The following PRKCZ variants were observed in gnomAD, a reference collection of about 807,000 sequenced individuals.
PRKCZ encodes protein kinase C zeta type.
A neutral mutation model predicts 79.5 loss-of-function variants in PRKCZ; 33 were observed. The ratio of observed to expected loss-of-function variants is 0.41; its 90% CI spans 0.31 to 0.55. The LOEUF (loss-of-function observed/expected upper bound fraction) is 0.55. PRKCZ is among the 20% of genes least tolerant of loss of function. The probability of loss-of-function intolerance (pLI) is 0.19; values close to 1 mark genes in which losing one functional copy is unlikely to be tolerated. For synonymous variants in PRKCZ, 342 were observed against 320.9 expected (o/e 1.07, Z -0.70); for missense variants, 578 against 813.5 (o/e 0.71, Z 3.52).
chr1:2,100,114 C>T (rs1302230204), intron 4 of PRKCZ, among the ~76,000 whole-genome samples: 1 of 152,214 alleles, frequency 6.6e-6, no homozygotes, highest in African/African-American at 2.4e-5. Flanking sequence ...CTATGAGGGC[C>T]AGTGGGGAGA....
At chr1:2,120,740 A>G (rs1034207299) in intron 4 of PRKCZ, among the ~76,000 whole-genome samples, 3 of 150,016 alleles carry the variant, frequency 2.0e-5, no homozygotes, top group Middle Eastern at 3.4e-3. Flanking sequence ...ATTTTTTTCT[A>G]CTGTTATCTC....
At position 2,178,630 on chromosome 1, in the gene PRKCZ, G is replaced by T. The variant is rs530008127; in HGVS notation, c.1575+3317G>T. The stretch of plus-strand genomic sequence containing the variant: ...CCGGTGGTCTCAGTCTAGCCTTTCA[G>T]GGGGGCCACCTGTTCCTGCAGCGGC... On this transcript the variant is annotated intron_variant, in intron 16 of 17. Coordinates refer to ENST00000378567, the MANE Select transcript of PRKCZ (RefSeq NM_002744.6). The surrounding 1 kb of genome is among the most constrained non-coding windows in gnomAD (Gnocchi z 4.3). Among the ~76,000 whole-genome samples the T allele has an allele frequency of 9.9e-5, 15 of 152,230 alleles. No individual in the cohort carries two copies. The highest frequency in any genetic ancestry group is 2.1e-4 in the Non-Finnish European group (14 of 67,992).
rs915732375 is a variant in PRKCZ at position 2,173,519 on chromosome 1, C to G, written c.1286-378C>G. 5.9e-5 allele frequency among the ~76,000 whole-genome samples: 9 copies of G among 152,200 alleles called. No individual in the cohort carries two copies. The highest frequency in any genetic ancestry group is 1.9e-4 in the African/African-American group (8 of 41,444). ...AACAAAATGGCTGTAGAAGGAAACACAGGAGAGTATTTCCGTTACTGCAGC... is the reference window on the plus strand; with the variant it reads ...AACAAAATGGCTGTAGAAGGAAACAGAGGAGAGTATTTCCGTTACTGCAGC... On this transcript the variant is annotated intron_variant, in intron 13 of 17. Transcript: ENST00000378567. The surrounding 1 kb of genome is among the most constrained non-coding windows in gnomAD (Gnocchi z 5.7).
intron 9 of PRKCZ, among the ~76,000 whole-genome samples, chr1:2,154,218 G>A (rs1049942219): frequency 1.3e-5 from 2 of 152,156 alleles, no homozygotes; most frequent in African/African-American, 2.4e-5. Context: ...GCGGGCTGGC[G>A]AGGAGCTCGG....
chr1:2,174,059 T>C lies in PRKCZ; in HGVS notation c.1405+43T>C, dbSNP rs778499955. Reference sequence around the variant, plus strand: ...CGTTCGTACCCCTCACCTGCACGACTGTCTTCCTTCCTTTTCAAAGGTGCA... The same window carrying C: ...CGTTCGTACCCCTCACCTGCACGACCGTCTTCCTTCCTTTTCAAAGGTGCA... On this transcript the variant is annotated intron_variant, in intron 14 of 17. Transcript: ENST00000378567. The surrounding 1 kb of genome is among the most constrained non-coding windows in gnomAD (Gnocchi z 6.2). 6.5e-6 allele frequency: 10 copies of C among 1,537,390 alleles called. No homozygotes were observed. In the South Asian group the frequency reaches 1.2e-4, roughly 19 times the overall value.
At chr1:2,067,668 C>T (rs1661234210) in intron 4 of PRKCZ, among the ~76,000 whole-genome samples, 2 of 152,168 alleles carry the variant, frequency 1.3e-5, no homozygotes, top group East Asian at 1.9e-4. Context: ...CCGCAGGTGC[C>T]TCGGGCCCCT....
chr1:2,078,276 G>A (rs1166249528), intron 4 of PRKCZ, among the ~76,000 whole-genome samples: 1 of 152,256 alleles, frequency 6.6e-6, no homozygotes, highest in Non-Finnish European at 1.5e-5. Flanking sequence ...TGGCGTGGGA[G>A]GCCAGTTTGG....
intron 4 of PRKCZ, among the ~76,000 whole-genome samples, chr1:2,096,453 G>T (rs1666532043): frequency 6.6e-6 from 1 of 151,976 alleles, no homozygotes; most frequent in Admixed American, 6.6e-5. Context: ...TGGTGTAGAC[G>T]CCAGGAACGC....
intron 4 of PRKCZ, among the ~76,000 whole-genome samples, chr1:2,065,516 A>G (rs547572726): frequency 1.1e-4 from 16 of 152,196 alleles, no homozygotes; most frequent in African/African-American, 3.9e-4. Flanking sequence ...GTTCTCTACT[A>G]AAAATACAAA....
intron 4 of PRKCZ, among the ~76,000 whole-genome samples, chr1:2,095,339 G>C (rs1037801687): frequency 1.3e-5 from 2 of 152,180 alleles, no homozygotes; most frequent in African/African-American, 4.8e-5. Flanking sequence ...GGCAGTGGCG[G>C]GCAGAGCCCC....
rs1272190707 is a variant in PRKCZ at position 2,075,287 on chromosome 1, C to A, written c.334+15696C>A. ...TGGCCATGCACAGCTGGCACGATCC[C>A]TTGCGGTGTGAATACACTGCTGGGG... On this transcript the variant is annotated intron_variant, in intron 4 of 17. Coordinates refer to ENST00000378567, the MANE Select transcript of PRKCZ (RefSeq NM_002744.6). This position sits in a 1 kb window ranked among gnomAD's most constrained non-coding sequence, Gnocchi z 4.8. 2 of 152,246 alleles carry A rather than the reference C, an allele frequency of 1.3e-5. No homozygotes were observed. Among genetic ancestry groups the A allele is most frequent in the African/African-American group, 4.8e-5 (2 of 41,422 alleles). The allele number at this position is 152,246 out of a possible 1,614,324, so 9.4% of individuals were successfully genotyped here.
intron 4 of PRKCZ, among the ~76,000 whole-genome samples, chr1:2,121,366 C>T (rs1178409869): frequency 2.0e-5 from 3 of 151,352 alleles, no homozygotes; most frequent in African/African-American, 4.9e-5. Flanking sequence ...TGTGTCTCCC[C>T]AGAATCCATA....
chr1:2,112,617 A>G (rs1424887510), intron 4 of PRKCZ, among the ~76,000 whole-genome samples: 2 of 152,092 alleles, frequency 1.3e-5, no homozygotes, highest in Non-Finnish European at 2.9e-5. Flanking sequence ...TACTCAAAAA[A>G]GGAAGAAGAA....
intron 4 of PRKCZ, among the ~76,000 whole-genome samples, chr1:2,061,955 A>T (rs1660714405): frequency 6.6e-6 from 1 of 152,178 alleles, no homozygotes. Flanking sequence ...CTCAGGCAGC[A>T]CTGCCCAGGC....
Position 2,168,406 on chromosome 1 carries a change from C to T in PRKCZ, c.975-1112C>T, listed in dbSNP as rs1005101935. ...AGCCGAGGAACGAGCCTTCCCCAGC[C>T]GCTCCCCAAAGGCACGGCTTATTCT... On this transcript the variant is annotated intron_variant, in intron 10 of 17. Coordinates refer to ENST00000378567, the MANE Select transcript of PRKCZ (RefSeq NM_002744.6). The surrounding 1 kb of genome is among the most constrained non-coding windows in gnomAD (Gnocchi z 4.7). Among the ~76,000 whole-genome samples, 2 of 152,218 alleles carry T rather than the reference C, an allele frequency of 1.3e-5. No homozygotes were observed. The highest frequency in any genetic ancestry group is 4.8e-5 in the African/African-American group (2 of 41,444).
intron 10 of PRKCZ, among the ~76,000 whole-genome samples, chr1:2,167,751 C>G (rs1422487990): frequency 6.6e-6 from 1 of 152,132 alleles, no homozygotes; most frequent in East Asian, 1.9e-4. Context: ...ATTACAGGTG[C>G]ACACCACCAG....
rs1219044010 is a variant in PRKCZ, at chr1:2,178,264, C to T, written c.1575+2951C>T. Among the ~76,000 whole-genome samples, 1 of 152,216 alleles carries T rather than the reference C, an allele frequency of 6.6e-6. No individual in the cohort carries two copies. Among genetic ancestry groups the T allele is most frequent in the African/African-American group, 2.4e-5 (1 of 41,454 alleles). On this transcript the variant is annotated intron_variant, in intron 16 of 17. Transcript: ENST00000378567. The surrounding 1 kb of genome is among the most constrained non-coding windows in gnomAD (Gnocchi z 4.3). ...GCTGTGTGGCTCTGCCTGGTCTGCA[C>T]ATGTCATGGAAGTGGACCTGGGCAC...
intron 1 of PRKCZ, among the ~76,000 whole-genome samples, chr1:2,051,440 G>A (rs1373509157): frequency 6.6e-6 from 1 of 152,240 alleles, no homozygotes; most frequent in African/African-American, 2.4e-5. Flanking sequence ...TGGGCGGTGG[G>A]GAGGGGAGGA....
intron 1 of PRKCZ, among the ~76,000 whole-genome samples, chr1:2,054,841 C>T (rs528492873): frequency 6.6e-6 from 1 of 152,078 alleles, no homozygotes; most frequent in Admixed American, 6.6e-5. Context: ...GTTGCCGGAC[C>T]TCCCACAAGA....
Sources: allele counts gnomAD v4.1 joint callset (sites outside exome capture counted in the v4.1 genomes callset), GRCh38; gene constraint gnomAD v4.1.1; non-coding constraint Gnocchi (gnomAD v3.1); transcripts MANE v1.5; gene names NCBI Gene and HGNC (gene_info 2026-07-23, HGNC 2026-07-21).